The following AIG1 variants were observed in gnomAD, a reference collection of about 807,000 sequenced individuals.
The protein encoded by AIG1 is androgen induced 1.
A neutral mutation model predicts 31.4 loss-of-function variants in AIG1; 23 were observed. The ratio of observed to expected loss-of-function variants is 0.73; its 90% CI spans 0.53 to 1.04. AIG1 has a LOEUF of 1.04. Among genes scored for constraint, AIG1 ranks in the 50% least tolerant of loss-of-function variants. The pLI, the probability that AIG1 is intolerant of heterozygous loss-of-function variation, is 0.00. For missense variants in AIG1, 274 were observed against 295.0 expected, an observed-to-expected ratio of 0.93 and a Z score of 0.52; for synonymous variants, 100 against 110.5, an observed-to-expected ratio of 0.90 and a Z score of 0.60.
chr6:143,059,372 A>G (rs1357735792), upstream of AIG1, among the ~76,000 whole-genome samples: 2 of 152,138 alleles, frequency 1.3e-5, no homozygotes, highest in Non-Finnish European at 2.9e-5. Context: ...TGAGACCACT[A>G]ATCTACCGGC....
At chr6:143,090,171 G>A (rs1779166316) in intron 1 of AIG1, among the ~76,000 whole-genome samples, 1 of 152,108 alleles carries the variant, frequency 6.6e-6, no homozygotes, top group Admixed American at 6.5e-5. Context: ...TTTTGAGTTT[G>A]CAGCCTAGTT....
At position 143,280,028 on chromosome 6, in the gene AIG1, G is replaced by C. The variant is rs1407139736; in HGVS notation, c.400-4082G>C. 6.6e-6 allele frequency among the ~76,000 whole-genome samples: 1 copy of C among 152,196 alleles called. No individual in the cohort carries two copies. Among genetic ancestry groups the C allele is most frequent in the South Asian group, 2.1e-4 (1 of 4,830 alleles). ...AGAAAACAGTCCAAACAATTCTTAAGAGCTAAGAGCCACCTTTGGTGACTA... is the reference window on the plus strand; with the variant it reads ...AGAAAACAGTCCAAACAATTCTTAACAGCTAAGAGCCACCTTTGGTGACTA... On this transcript the variant is annotated intron_variant, in intron 3 of 5. Transcript: ENST00000357847. The surrounding 1 kb of genome is among the most constrained non-coding windows in gnomAD (Gnocchi z 4.1).
intron 3 of AIG1, among the ~76,000 whole-genome samples, chr6:143,181,289 C>A (rs963049873): frequency 2.6e-5 from 4 of 152,192 alleles, no homozygotes; most frequent in African/African-American, 9.7e-5. Context: ...GAACCTCTCT[C>A]TAGGACTCTC....
chr6:143,206,773 C>T (rs1219048185), intron 3 of AIG1, among the ~76,000 whole-genome samples: 1 of 152,132 alleles, frequency 6.6e-6, no homozygotes, highest in Non-Finnish European at 1.5e-5. Context: ...TAATTTACGG[C>T]AATAATTATG....
At chr6:143,221,560 A>G (rs903636081) in intron 3 of AIG1, among the ~76,000 whole-genome samples, 1 of 152,152 alleles carries the variant, frequency 6.6e-6, no homozygotes, top group African/African-American at 2.4e-5. Flanking sequence ...AATATTTAGT[A>G]TGTACTGTGA....
At chr6:143,169,595 C>T (rs1196011872) in intron 3 of AIG1, among the ~76,000 whole-genome samples, 2 of 152,064 alleles carry the variant, frequency 1.3e-5, no homozygotes, top group Non-Finnish European at 1.5e-5. Context: ...TCTCCATACT[C>T]TCCCCTCCTG....
rs1797538258 is a variant in AIG1, at chr6:143,284,204, T to C, written c.494T>C (p.Phe165Ser). 1.9e-6 allele frequency: 3 copies of C among 1,612,558 alleles called. No homozygotes were observed. Among genetic ancestry groups the C allele is most frequent in the Non-Finnish European group, 2.5e-6 (3 of 1,178,828 alleles). The change falls in exon 4 of 6, where the codon TTC becomes TCC. Residue 165 changes from phenylalanine (F) to serine (S), a missense_variant. Phe to Ser is a radical substitution (Grantham distance 155). Around this residue, in one of 2 missense-constraint regions of AIG1, gnomAD observed 243 missense variants for 238.5 expected, o/e 1.02. Transcript: ENST00000357847. This position sits in a 1 kb window ranked among gnomAD's most constrained non-coding sequence, Gnocchi z 4.4. ...RSSGLTAICT[F>S]SVGYILWVCW... Reference sequence around the variant, plus strand: ...AGCGGACTTACCGCCATATGTACCTTCTCTGTTGGCTATATATTATGGTAA... The same window carrying C: ...AGCGGACTTACCGCCATATGTACCTCCTCTGTTGGCTATATATTATGGTAA...
intron 4 of AIG1, among the ~76,000 whole-genome samples, chr6:143,304,436 G>A (rs1383160189): frequency 3.8e-4 from 58 of 152,154 alleles, no homozygotes; most frequent in African/African-American, 1.4e-3. Context: ...TTAGCATGAA[G>A]CGTTGTTGAA....
In AIG1 at chr6:143,188,230, C is replaced by T. The variant is rs771860915; in HGVS notation, c.399+23047C>T. Reference sequence around the variant, plus strand: ...TATGATTTAGACTCTAGGAGAGGGGCGTTTCTTTCCTCAGTAGGCACACTC... The same window carrying T: ...TATGATTTAGACTCTAGGAGAGGGGTGTTTCTTTCCTCAGTAGGCACACTC... On this transcript the variant is annotated intron_variant, in intron 3 of 5. Transcript: ENST00000357847. 83 of 988,522 alleles carry T rather than the reference C, an allele frequency of 8.4e-5. 1 individual carries two copies. Among genetic ancestry groups the T allele is most frequent in the East Asian group, 1.1e-4 (1 of 8,924 alleles). 61.2% of individuals were successfully genotyped at this position (988,522 alleles called of 1,614,324 possible). A position where few individuals can be genotyped will look rare whatever the true frequency, so the allele number is the denominator to read the frequency against.
chr6:143,202,339 G>A (rs1449563593), intron 3 of AIG1, among the ~76,000 whole-genome samples: 1 of 151,802 alleles, frequency 6.6e-6, no homozygotes. Flanking sequence ...AAATCCTCAG[G>A]GACAGCTAAT....
intron 1 of AIG1, among the ~76,000 whole-genome samples, chr6:143,118,465 A>T (rs1216989645): frequency 6.6e-6 from 1 of 152,182 alleles, no homozygotes; most frequent in Non-Finnish European, 1.5e-5. Context: ...CTCAAAAAAA[A>T]AAAAAAAATC....
chr6:143,132,594 T>C (rs1237449629), intron 1 of AIG1, among the ~76,000 whole-genome samples: 1 of 152,072 alleles, frequency 6.6e-6, no homozygotes, highest in Non-Finnish European at 1.5e-5. Flanking sequence ...TTCTTGGATC[T>C]GTGGGTTTAT....
At chr6:143,189,506 A>G (rs1409840515) in intron 3 of AIG1, 1 of 985,276 alleles carries the variant, frequency 1.0e-6, no homozygotes. Flanking sequence ...GGTTTTGCTG[A>G]GTGTCATATG....
chr6:143,084,019 C>A (rs1294723981), intron 1 of AIG1, among the ~76,000 whole-genome samples: 2 of 152,184 alleles, frequency 1.3e-5, no homozygotes, highest in Non-Finnish European at 2.9e-5. Context: ...GGAGAAGTAT[C>A]TAGTGACTGG....
In AIG1 at chr6:143,280,286, T is replaced by C. The variant is rs1797254548; in HGVS notation, c.400-3824T>C. ...TTATACACTGTTGGTGGGAGTGTAA[T>C]TCAACCCATTGTTGAAGGCAATATG... On this transcript the variant is annotated intron_variant, in intron 3 of 5. Coordinates refer to ENST00000357847, the MANE Select transcript of AIG1 (RefSeq NM_016108.4). This position sits in a 1 kb window ranked among gnomAD's most constrained non-coding sequence, Gnocchi z 4.1. Among the ~76,000 whole-genome samples, 1 of 152,206 alleles carries C rather than the reference T, an allele frequency of 6.6e-6. No individual in the cohort carries two copies. The highest frequency in any genetic ancestry group is 6.5e-5 in the Admixed American group (1 of 15,282).
intron 3 of AIG1, among the ~76,000 whole-genome samples, chr6:143,225,766 T>C (rs1792898767): frequency 6.6e-6 from 1 of 152,226 alleles, no homozygotes; most frequent in Admixed American, 6.5e-5. Flanking sequence ...GTTTGTCTCA[T>C]TGACTGCCTG....
chr6:143,087,563 G>A (rs780613526), intron 1 of AIG1, among the ~76,000 whole-genome samples: 4 of 152,164 alleles, frequency 2.6e-5, no homozygotes, highest in East Asian at 3.9e-4. Context: ...GCGGGTCTGC[G>A]ACGGCGGCAA....
chr6:143,206,363 A>AT (rs963538468), intron 3 of AIG1, among the ~76,000 whole-genome samples: 1 of 152,212 alleles, frequency 6.6e-6, no homozygotes. Flanking sequence ...CTGGAATAAT[A>AT]TTTTTCTAAA....
At chr6:143,091,085 T>C (rs1779264077) in intron 1 of AIG1, among the ~76,000 whole-genome samples, 1 of 152,174 alleles carries the variant, frequency 6.6e-6, no homozygotes, top group African/African-American at 2.4e-5. Context: ...TGCTCGTCTA[T>C]AAGAAGCAAT....
Sources: gnomAD v4.1 joint callset for allele counts (sites outside exome capture counted in the v4.1 genomes callset) on GRCh38, gnomAD v4.1.1 for gene constraint, gnomAD v4.1.1 regional missense constraint, Gnocchi (gnomAD v3.1) non-coding constraint, MANE v1.5 for transcripts, NCBI Gene and HGNC (gene_info 2026-07-23, HGNC 2026-07-21) for gene names.